Variants in SSBP4 observed in about 807,000 individuals in gnomAD.
The protein encoded by SSBP4 is single stranded DNA binding protein 4.
SSBP4 carries 33 observed loss-of-function variants against 64.6 expected under a neutral mutation model. The ratio of observed to expected loss-of-function variants is 0.51; its 90% CI spans 0.39 to 0.68. The LOEUF is 0.68. SSBP4 is among the 30% of genes least tolerant of loss of function. The pLI is 0.00. For synonymous variants in SSBP4, 243 were observed against 224.0 expected, an observed-to-expected ratio of 1.08 and a Z score of -0.76; for missense variants, 583 against 566.8, an observed-to-expected ratio of 1.03 and a Z score of -0.29.
In SSBP4 at chr19:18,427,287, G is replaced by C. The variant is rs1440250720; in HGVS notation, c.60-64G>C. ...TCCACCCGCCCTCCTGAGAGATGGAGGGGCTTTGGGGTGGGCCCTTGCCTT... is the reference window on the plus strand; with the variant it reads ...TCCACCCGCCCTCCTGAGAGATGGACGGGCTTTGGGGTGGGCCCTTGCCTT... On this transcript the variant is annotated intron_variant, in intron 1 of 17. Transcript: ENST00000270061. This position sits in a 1 kb window ranked among gnomAD's most constrained non-coding sequence, Gnocchi z 4.4. 1 of 1,561,018 alleles carries C rather than the reference G, an allele frequency of 6.4e-7. No individual in the cohort carries two copies. The highest frequency in any genetic ancestry group is 1.3e-5 in the African/African-American group (1 of 74,120).
chr19:18,428,770 T>C (rs1194334382), intron 4 of SSBP4, among the ~76,000 whole-genome samples: 1 of 152,120 alleles, frequency 6.6e-6, no homozygotes, highest in Admixed American at 6.5e-5. Flanking sequence ...TCTCTGAAGA[T>C]GCCTCCAGCA....
the SSBP4 span, among the ~76,000 whole-genome samples, chr19:18,406,007 A>G: frequency 2.0e-5 from 3 of 150,110 alleles, no homozygotes; most frequent in South Asian, 6.3e-4. Context: ...AAAAAAAAAG[A>G]CAGAGAGAGA....
chr19:18,404,706 C>T, the SSBP4 span, among the ~76,000 whole-genome samples: 1 of 150,204 alleles, frequency 6.7e-6, no homozygotes, highest in Admixed American at 6.7e-5. Context: ...TCCTGGCTAA[C>T]ACGGTGAAAC....
the SSBP4 span, among the ~76,000 whole-genome samples, chr19:18,408,875 G>C: frequency 6.6e-6 from 1 of 151,828 alleles, no homozygotes; most frequent in African/African-American, 2.4e-5. Context: ...GTGCAGTGGC[G>C]TGATCTCACT....
Position 18,427,699 on chromosome 19 carries a change from G to T in SSBP4, c.133-53G>T, listed in dbSNP as rs1972958936. 1.3e-6 allele frequency: 2 copies of T among 1,533,292 alleles called. No individual in the cohort carries two copies. Among genetic ancestry groups the T allele is most frequent in the African/African-American group, 1.4e-5 (1 of 72,970 alleles). The allele number at this position is 1,533,292 out of a possible 1,614,324, so 95.0% of individuals were successfully genotyped here. Reference sequence around the variant, plus strand: ...ATGTTCTCTGGGCACCCTGCTGGGTGGTGGGGCAGGGTCAGGTAGGGCCAC... The same window carrying T: ...ATGTTCTCTGGGCACCCTGCTGGGTTGTGGGGCAGGGTCAGGTAGGGCCAC... On this transcript the variant is annotated intron_variant, in intron 2 of 17. Coordinates refer to ENST00000270061, the MANE Select transcript of SSBP4 (RefSeq NM_032627.5). The surrounding 1 kb of genome is among the most constrained non-coding windows in gnomAD (Gnocchi z 4.4).
At chr19:18,428,831 C>G (rs980714462) in intron 4 of SSBP4, among the ~76,000 whole-genome samples, 2 of 152,226 alleles carry the variant, frequency 1.3e-5, no homozygotes, top group African/African-American at 4.8e-5. Context: ...CACTGCTGTT[C>G]ACCCCCATGG....
intron 4 of SSBP4, among the ~76,000 whole-genome samples, chr19:18,430,341 T>C (rs1973251725): frequency 1.3e-5 from 2 of 152,168 alleles, no homozygotes; most frequent in South Asian, 4.2e-4. Context: ...AAGCCCCCTC[T>C]CCAGCACCCT....
In SSBP4 at chr19:18,419,674, C is replaced by T; in HGVS notation, c.26C>T (p.Ser9Leu). The T allele has an allele frequency of 8.3e-7, 1 of 1,205,778 alleles. No homozygotes were observed. The highest frequency in any genetic ancestry group is 1.0e-6 in the Non-Finnish European group (1 of 966,968). 74.7% of individuals were successfully genotyped at this position (1,205,778 alleles called of 1,614,324 possible). The stretch of plus-strand genomic sequence containing the variant: ...ATGTACGCCAAGGGGGGCAAGGGTT[C>T]GGCCGTGCCCTCCGACAGCCAGGCC... MYAKGGKG[S>L]AVPSDSQARE... The change falls in exon 1 of 18, where the codon TCG becomes TTG. Residue 9 changes from serine (S) to leucine (L), a missense_variant. This residue lies in a region of SSBP4 where 39 missense variants were observed against 25.7 expected (regional missense o/e 1.52). Transcript: ENST00000270061.
chr19:18,416,564 G>GA (rs1372808204), upstream of SSBP4, among the ~76,000 whole-genome samples: 2 of 152,118 alleles, frequency 1.3e-5, no homozygotes, highest in South Asian at 2.1e-4. Flanking sequence ...AATGCTCTTA[G>GA]AAAAAAATCT....
chr19:18,409,252 T>C, the SSBP4 span, among the ~76,000 whole-genome samples: 1 of 151,212 alleles, frequency 6.6e-6, no homozygotes, highest in African/African-American at 2.4e-5. Context: ...AGTAGTGCGA[T>C]CTGGGCTCAC....
intron 4 of SSBP4, among the ~76,000 whole-genome samples, chr19:18,428,836 C>G (rs1973069753): frequency 6.6e-6 from 1 of 152,210 alleles, no homozygotes. Flanking sequence ...CTGTTCACCC[C>G]CATGGTGTCC....
rs202171096 is a variant in SSBP4 at position 18,432,045 on chromosome 19, G to A, written c.611G>A (p.Arg204His). 26 of 1,585,872 alleles carry A rather than the reference G, an allele frequency of 1.6e-5. No homozygotes were observed. The highest frequency in any genetic ancestry group is 5.1e-5 in the Admixed American group (3 of 58,294). Residue 204 changes from arginine (R) to histidine (H), a missense_variant, in exon 9 of 18, where the codon CGT (arginine) becomes CAT (histidine). Physicochemically the swap from Arg to His is conservative, Grantham distance 29. This residue lies in a region of SSBP4 where 444 missense variants were observed against 386.6 expected (regional missense o/e 1.15). Transcript: ENST00000270061. ...CCAATGCAGAGGGTGACGCCTCCTCGTGGCATGGCCAGCGTGGGGCCCCAG... is the reference window on the plus strand; with the variant it reads ...CCAATGCAGAGGGTGACGCCTCCTCATGGCATGGCCAGCGTGGGGCCCCAG... Reference protein sequence around the residue: ...GGPMQRVTPPRGMASVGPQSY... With the variant: ...GGPMQRVTPPHGMASVGPQSY...
In SSBP4 at chr19:18,419,690, C is replaced by T; in HGVS notation, c.42C>T (p.Asp14=). ...KGGKGSAVPS[D]SQAREKLALY... is the part of the protein sequence containing the mutation. The stretch of plus-strand genomic sequence containing the variant: ...GCAAGGGTTCGGCCGTGCCCTCCGA[C>T]AGCCAGGCCCGCGAGAAGTGAGTGC... The change falls in exon 1 of 18, where the codon GAC becomes GAT. Residue 14 remains aspartate, a synonymous_variant. Coordinates refer to ENST00000270061, the MANE Select transcript of SSBP4 (RefSeq NM_032627.5). The T allele has an allele frequency of 1.7e-6, 2 of 1,187,496 alleles. No homozygotes were observed. The highest frequency in any genetic ancestry group is 2.1e-6 in the Non-Finnish European group (2 of 956,872). The allele number at this position is 1,187,496 out of a possible 1,614,324, so 73.6% of individuals were successfully genotyped here.
intron 17 of SSBP4, 162 bp downstream of exon 17, chr19:18,433,979 C>T (rs1973771136): frequency 8.9e-7 from 1 of 1,125,826 alleles, no homozygotes; most frequent in Non-Finnish European, 1.1e-6. Context: ...AACCTCTCCC[C>T]ACCCCCCACC....
chr19:18,430,130 A>G (rs1447863372), intron 4 of SSBP4, among the ~76,000 whole-genome samples: 2 of 152,060 alleles, frequency 1.3e-5, no homozygotes, highest in Non-Finnish European at 2.9e-5. Flanking sequence ...TGGACCATAC[A>G]GACAGGGGCC....
chr19:18,431,354 GCC>G lies in SSBP4; in HGVS notation c.377_378del (p.Pro126ArgfsTer152). Reference sequence around the variant, plus strand: ...ACCCACCTGGTTCTGTCCTCCTAGGGCCCCCCCGGCTCCCAGCCGTCCCCCCA... The same window carrying G: ...ACCCACCTGGTTCTGTCCTCCTAGGGCCCCCGGCTCCCAGCCGTCCCCCCA... On this transcript the variant is annotated frameshift_variant and splice_region_variant, in exon 6 of 18. Coordinates refer to ENST00000270061, the MANE Select transcript of SSBP4 (RefSeq NM_032627.5). LOFTEE classifies it high-confidence loss of function. 1 of 866,830 alleles carries G rather than the reference GCC, an allele frequency of 1.2e-6. No individual in the cohort carries two copies. Among genetic ancestry groups the G allele is most frequent in the Non-Finnish European group, 1.8e-6 (1 of 555,118 alleles). 53.7% of individuals were successfully genotyped at this position (866,830 alleles called of 1,614,324 possible).
intron 1 of SSBP4, 71 bp downstream of exon 1, chr19:18,419,778 CGCGGGGCACGT>C: frequency 9.5e-7 from 1 of 1,056,494 alleles, no homozygotes; most frequent in African/African-American, 1.7e-5. Context: ...GCGGGCACCG[CGCGGGGCACGT>C]GGGCGCGGGC....
In SSBP4 at chr19:18,434,390, C is replaced by G. The variant is rs1973839494; in HGVS notation, c.*144C>G. 1 of 1,389,646 alleles carries G rather than the reference C, an allele frequency of 7.2e-7. No homozygotes were observed. Among genetic ancestry groups the G allele is most frequent in the Non-Finnish European group, 9.4e-7 (1 of 1,059,464 alleles). 86.1% of individuals were successfully genotyped at this position (1,389,646 alleles called of 1,614,324 possible). ...CAGCTGGGAGGCCCCACACGAAAGA[C>G]TCTTACCATTTTATTAAAAACGCAA... On this transcript the variant is annotated 3_prime_UTR_variant, in exon 18 of 18. Coordinates refer to ENST00000270061, the MANE Select transcript of SSBP4 (RefSeq NM_032627.5).
chr19:18,419,701 G>A lies in SSBP4; in HGVS notation c.53G>A (p.Arg18His). 2 of 1,176,932 alleles carry A rather than the reference G, an allele frequency of 1.7e-6. No homozygotes were observed. The allele number at this position is 1,176,932 out of a possible 1,614,324, so 72.9% of individuals were successfully genotyped here. The change falls in exon 1 of 18, where the codon CGC becomes CAC. Residue 18 changes from arginine to histidine, a missense_variant. By Grantham distance (29) the Arg-to-His change is conservative. This residue lies in a region of SSBP4 where 39 missense variants were observed against 25.7 expected (regional missense o/e 1.52). Coordinates refer to ENST00000270061, the MANE Select transcript of SSBP4 (RefSeq NM_032627.5). ...GSAVPSDSQA[R>H]EKLALYVYEY... is the part of the protein sequence containing the mutation. ...GCCGTGCCCTCCGACAGCCAGGCCCGCGAGAAGTGAGTGCGGGGCCGGGGG... is the reference window on the plus strand; with the variant it reads ...GCCGTGCCCTCCGACAGCCAGGCCCACGAGAAGTGAGTGCGGGGCCGGGGG...
Sources: gnomAD v4.1 joint callset for allele counts (sites outside exome capture counted in the v4.1 genomes callset) on GRCh38, gnomAD v4.1.1 for gene constraint, gnomAD v4.1.1 regional missense constraint, Gnocchi (gnomAD v3.1) non-coding constraint, MANE v1.5 for transcripts, NCBI Gene and HGNC (gene_info 2026-07-23, HGNC 2026-07-21) for gene names.